Variants in CDK13 observed in about 807,000 individuals in gnomAD.
CDK13 encodes cyclin dependent kinase 13.
CDK13 carries 40 observed loss-of-function variants against 137.6 expected under a neutral mutation model. The ratio of observed to expected loss-of-function variants is 0.29; its 90% CI spans 0.23 to 0.38. The LOEUF is 0.38. CDK13 is among the 10% of genes least tolerant of loss of function. CDK13 has a pLI of 1.00. For synonymous variants in CDK13, 869 were observed against 760.1 expected (o/e 1.14, Z -2.36); for missense variants, 1,704 against 1,951.8 (o/e 0.87, Z 2.39).
At chr7:40,067,984 C>T (rs117834000) in intron 9 of CDK13, 2 of 151,886 alleles carry the variant, frequency 1.3e-5, no homozygotes, top group African/African-American at 4.8e-5. Flanking sequence ...AGTCCCAGCT[C>T]CTCAGGAGGC....
chr7:40,076,684 C>T (rs567781412), intron 9 of CDK13, among the ~76,000 whole-genome samples: 1 of 151,898 alleles, frequency 6.6e-6, no homozygotes, highest in East Asian at 1.9e-4. Flanking sequence ...AAGTACATTT[C>T]AGTGACATAC....
intron 5 of CDK13, among the ~76,000 whole-genome samples, chr7:40,031,521 C>T (rs952158772): frequency 2.0e-5 from 3 of 151,674 alleles, no homozygotes; most frequent in South Asian, 2.1e-4. Context: ...GACTCTGTCT[C>T]GAAAAAAAGA....
chr7:40,076,901 A>G (rs1267626535), intron 9 of CDK13, among the ~76,000 whole-genome samples: 8 of 152,206 alleles, frequency 5.3e-5, no homozygotes, highest in African/African-American at 2.4e-5. Context: ...ACCAGCTGAC[A>G]ATTTTATATA....
chr7:39,957,051 C>T (rs1319880044), intron 1 of CDK13, among the ~76,000 whole-genome samples: 2 of 151,570 alleles, frequency 1.3e-5, no homozygotes, highest in Admixed American at 6.6e-5. Flanking sequence ...TCTTCATCTC[C>T]AGCTTTGCAT....
intron 1 of CDK13, among the ~76,000 whole-genome samples, chr7:39,960,077 T>C (rs1384826469): frequency 2.9e-5 from 1 of 33,956 alleles, no homozygotes; most frequent in Non-Finnish European, 4.9e-5. Context: ...AAGTTTTTTC[T>C]TTTTTTTTTT....
chr7:39,956,433 A>G (rs898303340), intron 1 of CDK13, among the ~76,000 whole-genome samples: 6 of 152,124 alleles, frequency 3.9e-5, no homozygotes, highest in African/African-American at 1.4e-4. Context: ...TTCTATCACC[A>G]TTTCAGGTTA....
In CDK13 at chr7:40,085,143, C is replaced by A. The variant is rs190527587; in HGVS notation, c.3030-2983C>A. Among the ~76,000 whole-genome samples, 34 of 152,188 alleles carry A rather than the reference C, an allele frequency of 2.2e-4. No individual in the cohort carries two copies. In the East Asian group the frequency reaches 6.4e-3, roughly 29 times the overall value. ...TGGGAGGCCAAGACTGGCAGATCAC[C>A]TGAGGTCAGGAGTTCAAGACCAGCC... On this transcript the variant is annotated intron_variant, in intron 11 of 13. Transcript: ENST00000181839.
intron 7 of CDK13, chr7:40,060,695 T>G (rs572302651): frequency 1.3e-5 from 2 of 152,308 alleles, no homozygotes; most frequent in East Asian, 3.9e-4. Flanking sequence ...GATTAGACTT[T>G]ATGAATATGC....
At chr7:40,062,040 T>TGTAGTGTTACAGTGGGTATGTGTC (rs1306933279) in intron 7 of CDK13, 1 of 152,212 alleles carries the variant, frequency 6.6e-6, no homozygotes, top group Non-Finnish European at 1.5e-5. Context: ...ATTCACACAC[T>TGTAGTGTTACAGTGGGTATGTGTC]ACAGTGGGTA....
chr7:40,093,017 G>A lies in CDK13; in HGVS notation c.3468G>A (p.Leu1156=), dbSNP rs1233545175. The change falls in exon 13 of 14, where the codon TTG becomes TTA. Residue 1156 remains leucine, a synonymous_variant. Coordinates refer to ENST00000181839, the MANE Select transcript of CDK13 (RefSeq NM_003718.5). ...CACAACAGGAGTCTTCGAAACCGTT[G>A]GGAGGAATTCAGCCTTCTTCTCAGA... The part of the protein sequence containing the change: ...STPQQESSKP[L]GGIQPSSQTI... 15 of 1,614,166 alleles carry A rather than the reference G, an allele frequency of 9.3e-6. No homozygotes were observed. The highest frequency in any genetic ancestry group is 1.3e-5 in the Non-Finnish European group (15 of 1,180,030).
chr7:40,019,380 G>A (rs1785066941), intron 5 of CDK13, among the ~76,000 whole-genome samples: 1 of 152,180 alleles, frequency 6.6e-6, no homozygotes, highest in Non-Finnish European at 1.5e-5. Context: ...CCAACAGGAT[G>A]TATATTTACA....
At chr7:40,049,487 C>T (rs1270421598) in intron 7 of CDK13, among the ~76,000 whole-genome samples, 2 of 151,696 alleles carry the variant, frequency 1.3e-5, no homozygotes, top group East Asian at 3.9e-4. Flanking sequence ...GAATTGAGAC[C>T]CAGAAAGGGC....
At chr7:40,020,099 G>T (rs1785081443) in intron 5 of CDK13, among the ~76,000 whole-genome samples, 1 of 151,924 alleles carries the variant, frequency 6.6e-6, no homozygotes, top group Non-Finnish European at 1.5e-5. Flanking sequence ...ACCGGGTCTT[G>T]CTCTGTCACC....
At chr7:39,975,258 A>G (rs1784081865) in intron 1 of CDK13, among the ~76,000 whole-genome samples, 1 of 152,038 alleles carries the variant, frequency 6.6e-6, no homozygotes, top group Admixed American at 6.5e-5. Flanking sequence ...TACAGAAAAT[A>G]CAAAAATTTG....
At chr7:40,048,115 A>G (rs1421220376) in intron 7 of CDK13, 1 of 350,522 alleles carries the variant, frequency 2.9e-6, no homozygotes, top group Non-Finnish European at 5.1e-6. Flanking sequence ...TTAAATGAAC[A>G]TCTTTAAGTG....
intron 6 of CDK13, among the ~76,000 whole-genome samples, chr7:40,047,127 A>C (rs1785762376): frequency 6.6e-6 from 1 of 152,188 alleles, no homozygotes; most frequent in African/African-American, 2.4e-5. Context: ...TCATCTGATA[A>C]GCAATGTAAC....
intron 5 of CDK13, among the ~76,000 whole-genome samples, chr7:40,031,106 GAA>G (rs1355787376): frequency 6.6e-6 from 1 of 152,216 alleles, no homozygotes; most frequent in Non-Finnish European, 1.5e-5. Flanking sequence ...AGCAATAAAT[GAA>G]AGTTTGTGTT....
chr7:40,093,906 CA>C lies in CDK13; in HGVS notation c.3689-207del, dbSNP rs1181608576. ...GGGTGACAGAGTGAGACCGTGTCAC[CA>C]AAAAAAAAAAAAAAAATTTTTTTTT... is the stretch of plus-strand genomic sequence containing the variant. On this transcript the variant is annotated intron_variant, in intron 13 of 13. Coordinates refer to ENST00000181839, the MANE Select transcript of CDK13 (RefSeq NM_003718.5). Among the ~76,000 whole-genome samples the C allele has an allele frequency of 1.8e-3, 185 of 102,952 alleles. 2 individuals are homozygous for C. The highest frequency in any genetic ancestry group is 4.2e-3 in the East Asian group (15 of 3,604). 67.5% of individuals were successfully genotyped at this position (102,952 alleles called of 152,430 possible).
chr7:39,997,785 TA>T (rs1384631358), intron 3 of CDK13, 121 bp downstream of exon 3: 3 of 714,114 alleles, frequency 4.2e-6, no homozygotes, highest in Non-Finnish European at 6.7e-6. Context: ...TCAACTTAAA[TA>T]TATGAATTCT....
Sources: gnomAD v4.1 joint callset for allele counts (sites outside exome capture counted in the v4.1 genomes callset) on GRCh38, gnomAD v4.1.1 for gene constraint, MANE v1.5 for transcripts, NCBI Gene and HGNC (gene_info 2026-07-23, HGNC 2026-07-21) for gene names.